Variants in ITSN2 observed in about 807,000 individuals in gnomAD.
ITSN2 encodes intersectin 2, also known as intersectin-2.
ITSN2 carries 156 observed loss-of-function variants against 243.7 expected under a neutral mutation model. The observed-to-expected ratio is 0.64, with a 90% CI of 0.56 to 0.73. The LOEUF (loss-of-function observed/expected upper bound fraction) is 0.73. Among genes scored for constraint, ITSN2 ranks in the 30% least tolerant of loss-of-function variants. The probability of loss-of-function intolerance (pLI) is 0.00; values close to 1 mark genes in which losing one functional copy is unlikely to be tolerated. For missense variants in ITSN2, 1,801 were observed against 1,996.1 expected, an observed-to-expected ratio of 0.90 and a Z score of 1.86; for synonymous variants, 703 against 699.9, an observed-to-expected ratio of 1.00 and a Z score of -0.07.
chr2:24,302,648 G>A (rs1681925148), intron 9 of ITSN2, among the ~76,000 whole-genome samples: 1 of 152,092 alleles, frequency 6.6e-6, no homozygotes, highest in Non-Finnish European at 1.5e-5. Context: ...TTTTACCGTT[G>A]ATTTTCAAGA....
rs10170659 is a variant in ITSN2, at chr2:24,290,265, C to A, written c.1723+3423G>T. On this transcript the variant is annotated intron_variant, in intron 15 of 39. Coordinates refer to ENST00000355123, the MANE Select transcript of ITSN2 (RefSeq NM_006277.3). ...TTTTTGCTAATTGGCAAAAAAGAAA[C>A]CTGATTGTTATTTTAATTTGTATTT... Among the ~76,000 whole-genome samples the A allele has an allele frequency of 4.8e-3, 732 of 152,162 alleles. 6 individuals are homozygous for A. Among genetic ancestry groups the A allele is most frequent in the African/African-American group, 0.017 (710 of 41,516 alleles).
At chr2:24,229,324 C>CA (rs1174640360) in intron 29 of ITSN2, among the ~76,000 whole-genome samples, 2 of 152,136 alleles carry the variant, frequency 1.3e-5, no homozygotes, top group Non-Finnish European at 2.9e-5. Context: ...CTGGCTCACT[C>CA]ACGCCTGTAA....
chr2:24,355,417 G>T (rs1038216587), intron 1 of ITSN2, among the ~76,000 whole-genome samples: 3 of 152,164 alleles, frequency 2.0e-5, no homozygotes, highest in African/African-American at 7.2e-5. Flanking sequence ...AGAGACCTCA[G>T]AAATAACACC....
At chr2:24,303,596 G>T (rs988504183) in intron 9 of ITSN2, among the ~76,000 whole-genome samples, 3 of 152,160 alleles carry the variant, frequency 2.0e-5, no homozygotes, top group Non-Finnish European at 4.4e-5. Flanking sequence ...TGTAAATTTG[G>T]TGTAGCTTAA....
chr2:24,254,734 T>C (rs1401847301), intron 23 of ITSN2, among the ~76,000 whole-genome samples: 2 of 152,192 alleles, frequency 1.3e-5, no homozygotes, highest in Non-Finnish European at 2.9e-5. Context: ...CCACAAATTG[T>C]TAAGTGGTAA....
chr2:24,224,471 G>T (rs941659538), intron 29 of ITSN2, among the ~76,000 whole-genome samples: 2 of 152,170 alleles, frequency 1.3e-5, no homozygotes, highest in East Asian at 3.8e-4. Flanking sequence ...ACAAGTATTG[G>T]CCACTGTATC....
chr2:24,334,857 A>C, intron 1 of ITSN2: 1 of 586,990 alleles, frequency 1.7e-6, no homozygotes. Flanking sequence ...AGGTCAGGAG[A>C]TCGAGACCAT....
intron 29 of ITSN2, among the ~76,000 whole-genome samples, chr2:24,230,128 G>A (rs557143428): frequency 1.1e-4 from 17 of 152,150 alleles, no homozygotes; most frequent in Non-Finnish European, 1.9e-4. Context: ...ATGTCTAAAA[G>A]GCACATCAAA....
At chr2:24,263,940 G>GT (rs1676250471) in intron 20 of ITSN2, among the ~76,000 whole-genome samples, 1 of 152,112 alleles carries the variant, frequency 6.6e-6, no homozygotes, top group African/African-American at 2.4e-5. Context: ...GAGTCACATG[G>GT]TAGGTACATG....
At chr2:24,256,061 A>AC (rs1674998047) in intron 23 of ITSN2, among the ~76,000 whole-genome samples, 1 of 151,846 alleles carries the variant, frequency 6.6e-6, no homozygotes, top group African/African-American at 2.4e-5. Context: ...CTCAAAAACA[A>AC]AAAAAAACAA....
chr2:24,308,760 T>C lies in ITSN2; in HGVS notation c.654-4A>G. On this transcript the variant is annotated splice_region_variant and splice_polypyrimidine_tract_variant and intron_variant, in intron 7 of 39. Transcript: ENST00000355123. ...TGAAGCAGTCGAGGAAGTTGAGCTA[T>C]AAAAAAATTTATTTAAAATTTTTAT... is the stretch of plus-strand genomic sequence containing the variant. 4 of 1,372,636 alleles carry C rather than the reference T, an allele frequency of 2.9e-6. No individual in the cohort carries two copies. The highest frequency in any genetic ancestry group is 3.8e-6 in the Non-Finnish European group (4 of 1,051,848). 85.0% of individuals were successfully genotyped at this position (1,372,636 alleles called of 1,614,324 possible).
intron 15 of ITSN2, among the ~76,000 whole-genome samples, chr2:24,290,281 A>G (rs1255169560): frequency 1.3e-5 from 2 of 152,100 alleles, no homozygotes; most frequent in Non-Finnish European, 2.9e-5. Context: ...TGTTATTTTA[A>G]TTTGTATTTT....
rs143868749 is a variant in ITSN2 at position 24,346,008 on chromosome 2, G to A, written c.-34+14296C>T. ...GATTTTATTTTGGAGTGAAGAAATG[G>A]ATATGAGTCCAAATTGTTTGCGCTA... On this transcript the variant is annotated intron_variant, in intron 1 of 39. Coordinates refer to ENST00000355123, the MANE Select transcript of ITSN2 (RefSeq NM_006277.3). Among the ~76,000 whole-genome samples, 839 of 152,218 alleles carry A rather than the reference G, an allele frequency of 5.5e-3. 4 individuals carry two copies. Among genetic ancestry groups the A allele is most frequent in the African/African-American group, 0.019 (807 of 41,534 alleles).
At chr2:24,216,344 C>T in intron 31 of ITSN2, 112 bp from the exon 32 acceptor site, 1 of 856,256 alleles carries the variant, frequency 1.2e-6, no homozygotes, top group Non-Finnish European at 1.7e-6. Flanking sequence ...ACCTAAGAAC[C>T]TCTGGCACTG....
intron 15 of ITSN2, among the ~76,000 whole-genome samples, chr2:24,287,033 A>AT (rs1242353659): frequency 6.6e-6 from 1 of 152,184 alleles, no homozygotes; most frequent in Admixed American, 6.5e-5. Context: ...GAAGTACAAA[A>AT]TTTAAATAAA....
rs1332163620 is a variant in ITSN2, at chr2:24,251,371, G to GTGTGTA, written c.3120+973_3120+974insTACACA. On this transcript the variant is annotated intron_variant, in intron 25 of 39. Transcript: ENST00000355123. ...TATGTGTGTGTGTGTGTGTGTGTGT[G>GTGTGTA]TATATATGTATGTGTATATATATGT... Among the ~76,000 whole-genome samples, 2 of 3,050 alleles carry GTGTGTA rather than the reference G, an allele frequency of 6.6e-4. 1 individual carries two copies. The highest frequency in any genetic ancestry group is 2.4e-3 in the African/African-American group (2 of 844). The allele number at this position is 3,050 out of a possible 152,430, so 2.0% of individuals were successfully genotyped here. A position where few individuals can be genotyped will look rare whatever the true frequency, so the allele number is the denominator to read the frequency against.
chr2:24,298,678 T>C lies in ITSN2; in HGVS notation c.1481A>G (p.Glu494Gly), dbSNP rs112891258. 6.2e-7 allele frequency: 1 copy of C among 1,601,466 alleles called. No homozygotes were observed. The change falls in exon 13 of 40, where the codon GAG becomes GGG. Residue 494 changes from glutamate to glycine, a missense_variant. Glu to Gly is a moderately conservative substitution (Grantham distance 98). Coordinates refer to ENST00000355123, the MANE Select transcript of ITSN2 (RefSeq NM_006277.3). ...LNSKKKNLHL[E>G]LEALNGKHQQ... is the part of the protein sequence containing the mutation. The stretch of plus-strand genomic sequence containing the variant: ...CTTCAGCCATACCAGTGCTTCCAAC[T>C]CAAGATGAAGATTCTTCTTTTTAGA...
At chr2:24,244,322 G>A (rs1673089195) in intron 29 of ITSN2, among the ~76,000 whole-genome samples, 1 of 152,134 alleles carries the variant, frequency 6.6e-6, no homozygotes, top group Non-Finnish European at 1.5e-5. Flanking sequence ...TATCTGCAGA[G>A]GGGAAACTGA....
At chr2:24,215,370 A>G (rs1236632962) in intron 32 of ITSN2, among the ~76,000 whole-genome samples, 1 of 152,148 alleles carries the variant, frequency 6.6e-6, no homozygotes, top group Non-Finnish European at 1.5e-5. Context: ...TATATATTTG[A>G]GTAAGCTATT....
Sources: gnomAD v4.1 joint callset for allele counts (sites outside exome capture counted in the v4.1 genomes callset) on GRCh38, gnomAD v4.1.1 for gene constraint, MANE v1.5 for transcripts, NCBI Gene and HGNC (gene_info 2026-07-23, HGNC 2026-07-21) for gene names.